The following ACTN2 variants were observed in gnomAD, a reference collection of about 807,000 sequenced individuals.
ACTN2 encodes actinin alpha 2.
In ACTN2, 39 loss-of-function variants were observed where a neutral mutation model predicts 113.8. That is an observed-to-expected ratio of 0.34 (90% CI 0.27 to 0.45). The LOEUF (loss-of-function observed/expected upper bound fraction) is 0.45. Ranked by LOEUF, ACTN2 falls within the 20% of genes least tolerant of loss-of-function variation. ACTN2 has a pLI of 1.00. For synonymous variants in ACTN2, 429 were observed against 444.1 expected (o/e 0.97, Z 0.43); for missense variants, 992 against 1,177.9 (o/e 0.84, Z 2.31).
Position 236,696,294 on chromosome 1 carries a change from G to C in ACTN2, c.126+9495G>C, listed in dbSNP as rs570799591. 3.4e-5 allele frequency among the ~76,000 whole-genome samples: 5 copies of C among 147,286 alleles called. No homozygotes were observed. The Admixed American group carries it at 3.4e-4, about 10-fold the overall frequency. On this transcript the variant is annotated intron_variant, in intron 1 of 20. Transcript: ENST00000366578. ...GATCGTGTCACTGCACTCCAGCTTC[G>C]GTGACAGAAGAAGACTCTGTCTCAA...
At chr1:236,749,926 C>G (rs1354669910) in intron 14 of ACTN2, among the ~76,000 whole-genome samples, 1 of 152,210 alleles carries the variant, frequency 6.6e-6, no homozygotes, top group African/African-American at 2.4e-5. Context: ...GCTGAGTTAA[C>G]TACTTTGCAA....
At chr1:236,713,074 A>T (rs543737658) in intron 1 of ACTN2, among the ~76,000 whole-genome samples, 4 of 151,968 alleles carry the variant, frequency 2.6e-5, no homozygotes, top group African/African-American at 9.7e-5. Flanking sequence ...GTAATAACTT[A>T]ATTATCCGGA....
chr1:236,713,346 G>C (rs924802889), intron 1 of ACTN2, among the ~76,000 whole-genome samples: 1 of 151,774 alleles, frequency 6.6e-6, no homozygotes, highest in Admixed American at 6.6e-5. Flanking sequence ...TTCTGCCTCA[G>C]CCTCCCGAGT....
intron 12 of ACTN2, among the ~76,000 whole-genome samples, chr1:236,746,046 G>A (rs1004361463): frequency 7.3e-5 from 11 of 151,380 alleles, no homozygotes; most frequent in African/African-American, 1.5e-4. Context: ...GGCACCTGTA[G>A]TCCCAACTAC....
intron 20 of ACTN2, among the ~76,000 whole-genome samples, chr1:236,762,172 A>T (rs1659726042): frequency 6.6e-6 from 1 of 152,162 alleles, no homozygotes; most frequent in Non-Finnish European, 1.5e-5. Context: ...TGAAATGCAG[A>T]TCATAGTACG....
At chr1:236,760,169 C>T (rs1366124907) in intron 19 of ACTN2, among the ~76,000 whole-genome samples, 2 of 151,948 alleles carry the variant, frequency 1.3e-5, no homozygotes, top group Non-Finnish European at 2.9e-5. Flanking sequence ...TGGCTTGAAC[C>T]TGGGAGGCGG....
intron 1 of ACTN2, among the ~76,000 whole-genome samples, chr1:236,703,433 C>CTTTTTTTTTTTTTTTTTT (rs35432183): frequency 1.0e-5 from 1 of 98,838 alleles, no homozygotes; most frequent in Non-Finnish European, 2.0e-5. Context: ...GGCCTACTAC[C>CTTTTTTTTTTTTTTTTTT]TTTTTTTTTT....
At position 236,718,891 on chromosome 1, in the gene ACTN2, C is replaced by A. The variant is rs770703958; in HGVS notation, c.242-3C>A. 1 of 1,614,158 alleles carries A rather than the reference C, an allele frequency of 6.2e-7. No individual in the cohort carries two copies. On this transcript the variant is annotated splice_region_variant and splice_polypyrimidine_tract_variant and intron_variant, in intron 2 of 20. Transcript: ENST00000366578. The stretch of plus-strand genomic sequence containing the variant: ...TCTGCATGATTCTCTTTTCATCCAA[C>A]AGGGGAAAGGCTGCCCAAACCTGAC...
intron 4 of ACTN2, among the ~76,000 whole-genome samples, chr1:236,721,148 C>T (rs1173859655): frequency 1.3e-5 from 2 of 150,826 alleles, no homozygotes; most frequent in African/African-American, 2.4e-5. Flanking sequence ...CTGCCTCAGC[C>T]TCACGAGTAG....
Position 236,686,683 on chromosome 1 carries a change from A to T in ACTN2, c.10A>T (p.Ile4Leu). The change falls in exon 1 of 21, where the codon ATA (isoleucine) becomes TTA (leucine). Residue 4 changes from isoleucine (I) to leucine (L), a missense_variant. By Grantham distance (5) the Ile-to-Leu change is conservative (BLOSUM62 2). Transcript: ENST00000366578. ...CGGCCAACCGAGCGCCATGAACCAG[A>T]TAGAGCCCGGCGTGCAGTACAACTA... MNQ[I>L]EPGVQYNYVY... is the part of the protein sequence containing the mutation. 2.6e-6 allele frequency: 4 copies of T among 1,560,710 alleles called. No individual in the cohort carries two copies. The highest frequency in any genetic ancestry group is 3.5e-6 in the Non-Finnish European group (4 of 1,153,366).
At chr1:236,693,685 GC>G (rs1657371236) in intron 1 of ACTN2, among the ~76,000 whole-genome samples, 1 of 152,100 alleles carries the variant, frequency 6.6e-6, no homozygotes, top group Admixed American at 6.5e-5. Flanking sequence ...AGGCCTTCAG[GC>G]TTTCCACCTT....
chr1:236,729,684 C>T (rs778846769), intron 6 of ACTN2, among the ~76,000 whole-genome samples: 6 of 152,192 alleles, frequency 3.9e-5, no homozygotes, highest in African/African-American at 7.2e-5. Context: ...CCCATGAAAA[C>T]GGAACTTTTT....
Position 236,733,502 on chromosome 1 carries a change from T to G in ACTN2, c.698-2133T>G, listed in dbSNP as rs191039996. ...ATTTCCTCCTCCTCATCTTCCATAC[T>G]TTTCTTCGTCTTTCCCTTTTAATGG... is the stretch of plus-strand genomic sequence containing the variant. On this transcript the variant is annotated intron_variant, in intron 7 of 20. Transcript: ENST00000366578. Among the ~76,000 whole-genome samples, 432 of 152,328 alleles carry G rather than the reference T, an allele frequency of 2.8e-3. 1 individual carries two copies. The highest frequency in any genetic ancestry group is 9.9e-3 in the African/African-American group (411 of 41,570).
At chr1:236,744,214 G>C (rs1000915169) in intron 11 of ACTN2, among the ~76,000 whole-genome samples, 1 of 152,146 alleles carries the variant, frequency 6.6e-6, no homozygotes, top group Non-Finnish European at 1.5e-5. Flanking sequence ...AACTAGGGTG[G>C]GGTAGGACTC....
intron 12 of ACTN2, 119 bp downstream of exon 12, chr1:236,744,895 G>A (rs1572137428): frequency 1.5e-6 from 2 of 1,293,998 alleles, no homozygotes; most frequent in East Asian, 2.4e-5. Context: ...GAGGCACTCT[G>A]TGCAGGGATT....
At chr1:236,708,242 A>G (rs960657358) in intron 1 of ACTN2, among the ~76,000 whole-genome samples, 9 of 152,198 alleles carry the variant, frequency 5.9e-5, no homozygotes, top group Admixed American at 5.9e-4. Flanking sequence ...ATGCCTAATT[A>G]TGTAAGTTAT....
intron 5 of ACTN2, among the ~76,000 whole-genome samples, chr1:236,727,016 C>T (rs1658570628): frequency 6.6e-6 from 1 of 152,146 alleles, no homozygotes; most frequent in East Asian, 1.9e-4. Context: ...AACAGAACTC[C>T]CACACTCTGC....
Position 236,753,936 on chromosome 1 carries a change from G to T in ACTN2, c.1840-11G>T, listed in dbSNP as rs759487340. ...TGGCCTCTAACCCTTGTTGTCCTTGGGCCCTGACAGGTGAAGCAACTCGTG... is the reference window on the plus strand; with the variant it reads ...TGGCCTCTAACCCTTGTTGTCCTTGTGCCCTGACAGGTGAAGCAACTCGTG... On this transcript the variant is annotated splice_polypyrimidine_tract_variant and intron_variant, in intron 15 of 20. Transcript: ENST00000366578. 2 of 1,605,208 alleles carry T rather than the reference G, an allele frequency of 1.2e-6. No individual in the cohort carries two copies. The highest frequency in any genetic ancestry group is 1.7e-6 in the Non-Finnish European group (2 of 1,175,540).
Position 236,755,098 on chromosome 1 carries a change from T to G in ACTN2, c.2054T>G (p.Ile685Ser). ...MNQLKQYEHN[I>S]INYKNNIDKL... Reference sequence around the variant, plus strand: ...CAGCTGAAGCAGTATGAGCACAACATCATCAACTATAAGAACAACATCGAC... The same window carrying G: ...CAGCTGAAGCAGTATGAGCACAACAGCATCAACTATAAGAACAACATCGAC... The change falls in exon 17 of 21, where the codon ATC (isoleucine) becomes AGC (serine). Residue 685 changes from isoleucine (I) to serine (S), a missense_variant. This residue lies in a region of ACTN2 where 736 missense variants were observed against 815.4 expected (regional missense o/e 0.90). Transcript: ENST00000366578. The G allele has an allele frequency of 6.2e-7, 1 of 1,614,154 alleles. No individual in the cohort carries two copies. The highest frequency in any genetic ancestry group is 8.5e-7 in the Non-Finnish European group (1 of 1,180,032).
Sources: allele counts gnomAD v4.1 joint callset (sites outside exome capture counted in the v4.1 genomes callset), GRCh38; gene constraint gnomAD v4.1.1; regional missense constraint gnomAD v4.1.1; transcripts MANE v1.5; gene names NCBI Gene and HGNC (gene_info 2026-07-23, HGNC 2026-07-21).